Variants in TENM2 observed in about 807,000 individuals in gnomAD.
TENM2 encodes the protein teneurin transmembrane protein 2.
A neutral mutation model predicts 245.2 loss-of-function variants in TENM2; 52 were observed. That is an observed-to-expected ratio of 0.21 (90% CI 0.17 to 0.27). TENM2 has a LOEUF of 0.27. Ranked by LOEUF, TENM2 falls within the 10% of genes least tolerant of loss-of-function variation. The probability of loss-of-function intolerance (pLI) is 1.00; values close to 1 mark genes in which losing one functional copy is unlikely to be tolerated. For missense variants in TENM2, 3,046 were observed against 3,666.8 expected (o/e 0.83, Z 4.37); for synonymous variants, 1,363 against 1,438.9 (o/e 0.95, Z 1.19).
chr5:167,902,496 A>C (rs1435177742), intron 3 of TENM2, among the ~76,000 whole-genome samples: 6 of 152,138 alleles, frequency 3.9e-5, no homozygotes, highest in Non-Finnish European at 7.4e-5. Context: ...TCCGCGACAC[A>C]GATAACATAA....
At chr5:167,833,633 A>G (rs1441773515) in intron 2 of TENM2, among the ~76,000 whole-genome samples, 1 of 152,234 alleles carries the variant, frequency 6.6e-6, no homozygotes. Context: ...CATCTCTAAC[A>G]AAGAGAAAGG....
the TENM2 span, among the ~76,000 whole-genome samples, chr5:167,117,243 C>T: frequency 6.6e-6 from 1 of 152,224 alleles, no homozygotes. Flanking sequence ...ATGGCTCACG[C>T]CTGTAATCCC....
chr5:167,588,581 C>T (rs891662436), intron 2 of TENM2, among the ~76,000 whole-genome samples: 5 of 152,106 alleles, frequency 3.3e-5, no homozygotes, highest in Non-Finnish European at 7.4e-5. Flanking sequence ...TTTTTAAATC[C>T]ATTTCTGTTC....
the TENM2 span, among the ~76,000 whole-genome samples, chr5:167,210,507 A>G: frequency 3.1e-5 from 4 of 128,500 alleles, no homozygotes; most frequent in African/African-American, 6.3e-5. Flanking sequence ...CCCAGGCCGG[A>G]CTGCGGACTG....
intron 2 of TENM2, among the ~76,000 whole-genome samples, chr5:167,714,093 C>G (rs760407501): frequency 1.3e-5 from 2 of 152,130 alleles, no homozygotes; most frequent in Non-Finnish European, 1.5e-5. Context: ...TCAGGCTGTT[C>G]ATGTTGTAAT....
chr5:167,390,412 G>C (rs1255175419), intron 2 of TENM2, among the ~76,000 whole-genome samples: 4 of 152,130 alleles, frequency 2.6e-5, no homozygotes, highest in Non-Finnish European at 5.9e-5. Flanking sequence ...CAGTCTGCAA[G>C]GCACCTTGAG....
chr5:167,280,891 G>A (rs530118320), upstream of TENM2, among the ~76,000 whole-genome samples: 364 of 151,714 alleles, frequency 2.4e-3, 2 homozygotes, highest in African/African-American at 8.5e-3. Context: ...TGGGTCCTGA[G>A]GCCCCTCATT....
intron 2 of TENM2, among the ~76,000 whole-genome samples, chr5:167,514,947 G>A (rs557466711): frequency 6.6e-6 from 1 of 152,260 alleles, no homozygotes; most frequent in African/African-American, 2.4e-5. Context: ...AGAGGCGGAG[G>A]TTGCGGTGAG....
At chr5:167,143,208 A>C in the TENM2 span, among the ~76,000 whole-genome samples, 1 of 152,230 alleles carries the variant, frequency 6.6e-6, no homozygotes, top group South Asian at 2.1e-4. Context: ...TGATGACCAC[A>C]ATGAGGCTTC....
intron 2 of TENM2, among the ~76,000 whole-genome samples, chr5:167,386,778 C>G (rs1308005174): frequency 6.6e-6 from 1 of 152,126 alleles, no homozygotes; most frequent in African/African-American, 2.4e-5. Context: ...TGTCCTTTCC[C>G]CACTTTATGT....
chr5:168,194,800 G>C (rs987390778), intron 14 of TENM2, among the ~76,000 whole-genome samples: 2 of 152,020 alleles, frequency 1.3e-5, no homozygotes, highest in African/African-American at 2.4e-5. Context: ...CCAAAAAATG[G>C]AAATAAGTAG....
chr5:167,635,922 G>C (rs929472791), intron 2 of TENM2, among the ~76,000 whole-genome samples: 1 of 151,870 alleles, frequency 6.6e-6, no homozygotes, highest in Non-Finnish European at 1.5e-5. Flanking sequence ...GGGATTACAG[G>C]CGTGAGTCAC....
intron 5 of TENM2, among the ~76,000 whole-genome samples, chr5:168,034,045 GTGTGTATATATATATATA>G (rs1787384697): frequency 7.3e-6 from 1 of 137,062 alleles, no homozygotes; most frequent in African/African-American, 2.9e-5. Flanking sequence ...ATATATATGT[GTGTGTATATATATATATA>G]TGTGTATATA....
At chr5:168,173,441 A>G (rs567283645) in intron 13 of TENM2, among the ~76,000 whole-genome samples, 19 of 152,318 alleles carry the variant, frequency 1.2e-4, no homozygotes, top group South Asian at 1.2e-3. Flanking sequence ...GACCTAGATT[A>G]GAATGAGTGG....
chr5:167,575,840 A>G (rs1458933208), intron 2 of TENM2, among the ~76,000 whole-genome samples: 1 of 152,140 alleles, frequency 6.6e-6, no homozygotes, highest in African/African-American at 2.4e-5. Flanking sequence ...AGCTTAAGAA[A>G]CTTTGCAGAA....
At chr5:167,128,551 A>C in the TENM2 span, among the ~76,000 whole-genome samples, 1 of 150,350 alleles carries the variant, frequency 6.7e-6, no homozygotes, top group Admixed American at 6.6e-5. Context: ...GTAGACTTTC[A>C]TTAAAAAAAA....
chr5:167,164,013 T>C, the TENM2 span, among the ~76,000 whole-genome samples: 2 of 152,168 alleles, frequency 1.3e-5, no homozygotes, highest in Non-Finnish European at 2.9e-5. Context: ...CCCTCCACTT[T>C]AGTGCGTGAG....
At chr5:168,195,551 CGTGTGTGT>C (rs35040257) in intron 15 of TENM2, among the ~76,000 whole-genome samples, 8,377 of 97,974 alleles carry the variant, frequency 0.086, 400 homozygotes, top group East Asian at 0.15. Flanking sequence ...GGTCAATGCA[CGTGTGTGT>C]GTGTGTGTGT....
chr5:167,098,108 T>C, the TENM2 span, among the ~76,000 whole-genome samples: 37 of 152,350 alleles, frequency 2.4e-4, no homozygotes, highest in African/African-American at 8.7e-4. Flanking sequence ...TGGTCACCAT[T>C]TGGGAACTGT....
Sources: allele counts gnomAD v4.1 joint callset (sites outside exome capture counted in the v4.1 genomes callset), GRCh38; gene constraint gnomAD v4.1.1; transcripts MANE v1.5; gene names NCBI Gene and HGNC (gene_info 2026-07-23, HGNC 2026-07-21).